Variants in TNS1 observed in about 807,000 individuals in gnomAD.
TNS1 encodes the protein tensin 1, also known as tensin-1.
A neutral mutation model predicts 168.6 loss-of-function variants in TNS1; 62 were observed. The observed-to-expected ratio is 0.37, with a 90% CI of 0.30 to 0.45. TNS1 has a LOEUF of 0.45. Ranked by LOEUF, TNS1 falls within the 20% of genes least tolerant of loss-of-function variation. The pLI is 1.00. For missense variants in TNS1, 2,240 were observed against 2,339.4 expected, an observed-to-expected ratio of 0.96 and a Z score of 0.88; for synonymous variants, 934 against 933.2, an observed-to-expected ratio of 1.00 and a Z score of -0.02.
At chr2:217,978,903 G>A (rs1277648624) in intron 2 of TNS1, 101 bp from the exon 3 acceptor site, 2 of 692,440 alleles carry the variant, frequency 2.9e-6, no homozygotes, top group Admixed American at 2.0e-5. Flanking sequence ...CCGCGCTCGG[G>A]AAGGAAGGAG....
At position 218,032,356 on chromosome 2, in the gene TNS1, G is replaced by A. The variant is rs562803762; in HGVS notation, c.156+1464C>T. Among the ~76,000 whole-genome samples, 6 of 152,334 alleles carry A rather than the reference G, an allele frequency of 3.9e-5. No homozygotes were observed. Among genetic ancestry groups the A allele is most frequent in the African/African-American group, 1.4e-4 (6 of 41,580 alleles). ...AGGAGGACAGCCTGCTTGTGGAGGA[G>A]GAGGCAGCATGACAGGGGAAGGGGG... On this transcript the variant is annotated intron_variant, in intron 1 of 1. Coordinates refer to the TNS1 transcript ENST00000649572. This position sits in a 1 kb window ranked among gnomAD's most constrained non-coding sequence, Gnocchi z 4.0.
chr2:217,804,482 G>A lies in TNS1; in HGVS notation c.5497C>T (p.Leu1833=). ...AIVNFVSKVM[L]NAGQKR is the part of the protein sequence containing the mutation. ...GTTCATCTCTTTTGGCCGGCATTCA[G>A]CATGACCTTGGAGACGAAGTTGACG... The change falls in exon 33 of 33, where the codon CTG becomes TTG. Residue 1833 remains leucine (L), a synonymous_variant. Transcript: ENST00000682258. The A allele has an allele frequency of 6.2e-7, 1 of 1,614,154 alleles. No homozygotes were observed. The highest frequency in any genetic ancestry group is 8.5e-7 in the Non-Finnish European group (1 of 1,180,002).
chr2:217,889,466 G>T (rs1202826884), intron 12 of TNS1, among the ~76,000 whole-genome samples: 2 of 152,188 alleles, frequency 1.3e-5, no homozygotes, highest in Admixed American at 6.5e-5. Context: ...AGGCAAATAG[G>T]ATGCTTTGGC....
chr2:217,957,980 T>C (rs986892661), intron 3 of TNS1, among the ~76,000 whole-genome samples: 1 of 138,498 alleles, frequency 7.2e-6, no homozygotes, highest in African/African-American at 2.9e-5. Flanking sequence ...TGTATAGGTT[T>C]TAAATCTCCC....
intron 3 of TNS1, among the ~76,000 whole-genome samples, chr2:217,952,807 G>A (rs1354019211): frequency 2.6e-5 from 4 of 152,310 alleles, no homozygotes; most frequent in Admixed American, 6.5e-5. Context: ...GGGGCAAGAA[G>A]GGCCCCCAAA....
Position 217,848,253 on chromosome 2 carries a change from G to A in TNS1, c.2264C>T (p.Pro755Leu), listed in dbSNP as rs1282862723. Residue 755 changes from proline to leucine, a missense_variant, in exon 19 of 33, where the codon CCC (proline) becomes CTC (leucine). Around this residue, in one of 2 missense-constraint regions of TNS1, gnomAD observed 2,131 missense variants for 2,171.2 expected, o/e 0.98. Coordinates refer to ENST00000682258, the MANE Select transcript of TNS1 (RefSeq NM_001387777.1). Reference protein sequence around the residue: ...QSFSEAEPQLPPAPVRGGSSR... With the variant: ...QSFSEAEPQLLPAPVRGGSSR... ...GCTTCCCCCTCGGACCGGAGCTGGG[G>A]GCAGCTGGGGTTCAGCTTCCGAAAA... 5 of 1,556,610 alleles carry A rather than the reference G, an allele frequency of 3.2e-6. No individual in the cohort carries two copies. The highest frequency in any genetic ancestry group is 1.9e-5 in the Admixed American group (1 of 52,130).
Position 217,980,312 on chromosome 2 carries a change from C to G in TNS1, c.149-1510G>C, listed in dbSNP as rs1958010569. ...AGCGTTACCCATCACTCTGGTCTTT[C>G]TGCTTCTCCCTCTCCCTCAGCACCA... On this transcript the variant is annotated intron_variant, in intron 2 of 32. Coordinates refer to ENST00000682258, the MANE Select transcript of TNS1 (RefSeq NM_001387777.1). Among the ~76,000 whole-genome samples the G allele has an allele frequency of 3.3e-5, 5 of 152,242 alleles. No homozygotes were observed. The South Asian group carries it at 8.3e-4, about 25-fold the overall frequency.
chr2:217,882,293 A>G (rs1291022075), intron 17 of TNS1, 53 bp downstream of exon 17: 1 of 1,240,454 alleles, frequency 8.1e-7, no homozygotes, highest in Non-Finnish European at 1.2e-6. Flanking sequence ...TGCTGGGGAT[A>G]GGGTCAGGAT....
At chr2:217,871,491 G>A (rs973921832) in intron 18 of TNS1, among the ~76,000 whole-genome samples, 1 of 152,196 alleles carries the variant, frequency 6.6e-6, no homozygotes, top group South Asian at 2.1e-4. Flanking sequence ...AGGAACCTTG[G>A]ACTATTTCCC....
intron 19 of TNS1, among the ~76,000 whole-genome samples, chr2:217,840,938 G>C (rs1477893954): frequency 6.6e-6 from 1 of 152,260 alleles, no homozygotes; most frequent in African/African-American, 2.4e-5. Context: ...GCAGACAGGA[G>C]GGAGAGAGGG....
chr2:217,970,053 T>C (rs979941147), intron 3 of TNS1, among the ~76,000 whole-genome samples: 1 of 150,818 alleles, frequency 6.6e-6, no homozygotes, highest in Non-Finnish European at 1.5e-5. Context: ...GAAGATGATG[T>C]GAGGACACAG....
At chr2:217,816,433 T>C (rs905789159) in intron 24 of TNS1, among the ~76,000 whole-genome samples, 2 of 152,172 alleles carry the variant, frequency 1.3e-5, no homozygotes, top group African/African-American at 4.8e-5. Flanking sequence ...CACTCCCTTA[T>C]GCTTCTGGGA....
intron 19 of TNS1, chr2:217,841,361 G>T: frequency 2.6e-6 from 2 of 764,470 alleles, no homozygotes; most frequent in Non-Finnish European, 3.2e-6. Context: ...GGCAAGGCAG[G>T]CACCCCACCA....
At chr2:217,960,313 TGCCA>T (rs1007475176) in intron 3 of TNS1, among the ~76,000 whole-genome samples, 1 of 152,162 alleles carries the variant, frequency 6.6e-6, no homozygotes, top group Non-Finnish European at 1.5e-5. Context: ...TCAAGTGTGC[TGCCA>T]AGAATGCTCA....
At chr2:217,950,199 C>G (rs754567670) in intron 3 of TNS1, among the ~76,000 whole-genome samples, 8 of 152,120 alleles carry the variant, frequency 5.3e-5, no homozygotes, top group Non-Finnish European at 8.8e-5. Flanking sequence ...GAAACCGAGC[C>G]CAATTTTTAT....
At chr2:217,903,163 T>C (rs1254976619) in intron 6 of TNS1, among the ~76,000 whole-genome samples, 2 of 152,070 alleles carry the variant, frequency 1.3e-5, no homozygotes, top group Non-Finnish European at 2.9e-5. Context: ...ATTCTCTCAT[T>C]CAGCAAACAT....
chr2:217,885,704 A>C, intron 15 of TNS1, 40 bp downstream of exon 15: 2 of 1,577,340 alleles, frequency 1.3e-6, no homozygotes, highest in Non-Finnish European at 1.7e-6. Context: ...GGGAGAGAAA[A>C]TAAACAAGGA....
chr2:217,965,955 C>T (rs1268669952), intron 3 of TNS1, among the ~76,000 whole-genome samples: 1 of 152,044 alleles, frequency 6.6e-6, no homozygotes, highest in Non-Finnish European at 1.5e-5. Flanking sequence ...TCTTTGTTCC[C>T]TCTAGCGTGC....
intron 12 of TNS1, among the ~76,000 whole-genome samples, chr2:217,888,560 C>T (rs554437892): frequency 2.8e-4 from 43 of 152,312 alleles, no homozygotes; most frequent in African/African-American, 9.9e-4. Context: ...CCATAATTCC[C>T]TCGTGTTGTG....
Sources: gnomAD v4.1 joint callset for allele counts (sites outside exome capture counted in the v4.1 genomes callset) on GRCh38, gnomAD v4.1.1 for gene constraint, gnomAD v4.1.1 regional missense constraint, Gnocchi (gnomAD v3.1) non-coding constraint, MANE v1.5 for transcripts, NCBI Gene and HGNC (gene_info 2026-07-23, HGNC 2026-07-21) for gene names.